L3MBTL3: variants seen among roughly 807,000 people sequenced by gnomAD.
L3MBTL3 encodes the protein L3MBTL histone methyl-lysine binding protein 3, also known as lethal(3)malignant brain tumor-like protein 3.
A neutral mutation model predicts 102.3 loss-of-function variants in L3MBTL3; 27 were observed. The ratio of observed to expected loss-of-function variants is 0.26; its 90% CI spans 0.19 to 0.36. The LOEUF is 0.36. Ranked by LOEUF, L3MBTL3 falls within the 10% of genes least tolerant of loss-of-function variation. The probability of loss-of-function intolerance (pLI) is 1.00; values close to 1 mark genes in which losing one functional copy is unlikely to be tolerated. For missense variants in L3MBTL3, 798 were observed against 955.3 expected, an observed-to-expected ratio of 0.84 and a Z score of 2.17; for synonymous variants, 340 against 320.9, an observed-to-expected ratio of 1.06 and a Z score of -0.64.
At chr6:130,090,987 C>T (rs1562302144) in intron 16 of L3MBTL3, among the ~76,000 whole-genome samples, 2 of 152,024 alleles carry the variant, frequency 1.3e-5, no homozygotes, top group African/African-American at 4.8e-5. Context: ...AGGGTTTCAT[C>T]TTTTTGTGCT....
At chr6:130,065,868 G>A (rs947582593) in intron 10 of L3MBTL3, among the ~76,000 whole-genome samples, 4 of 152,118 alleles carry the variant, frequency 2.6e-5, no homozygotes, top group Non-Finnish European at 2.9e-5. Context: ...TAGGAGAGAC[G>A]CTTTTCTTTC....
intron 3 of L3MBTL3, among the ~76,000 whole-genome samples, chr6:130,048,941 AACACAC>A (rs6149808): frequency 4.2e-4 from 33 of 78,524 alleles, no homozygotes; most frequent in South Asian, 3.7e-3. Flanking sequence ...TCTTAGTTAA[AACACAC>A]ACACACACAC....
chr6:130,098,332 G>C (rs1784478617), intron 18 of L3MBTL3, among the ~76,000 whole-genome samples: 1 of 152,164 alleles, frequency 6.6e-6, no homozygotes, highest in South Asian at 2.1e-4. Context: ...TCACCTGCTG[G>C]GTTAGGTGAG....
chr6:130,019,991 T>C (rs979981249), intron 1 of L3MBTL3, among the ~76,000 whole-genome samples: 1 of 102,780 alleles, frequency 9.7e-6, no homozygotes, highest in African/African-American at 3.7e-5. Flanking sequence ...GCGGCGGCGG[T>C]CGCGGCGGCG....
chr6:130,117,787 C>G (rs1417887619), intron 19 of L3MBTL3, among the ~76,000 whole-genome samples: 5 of 151,494 alleles, frequency 3.3e-5, no homozygotes, highest in African/African-American at 1.2e-4. Context: ...GCAGCTTTGT[C>G]CTCCAAGGCT....
chr6:130,091,290 G>A lies in L3MBTL3; in HGVS notation c.1519-1455G>A, dbSNP rs146779301. 1.9e-3 allele frequency among the ~76,000 whole-genome samples: 286 copies of A among 152,108 alleles called. 9 individuals are homozygous for A. In the East Asian group the frequency reaches 0.05, roughly 26 times the overall value. On this transcript the variant is annotated intron_variant, in intron 16 of 22. Coordinates refer to ENST00000361794, the MANE Select transcript of L3MBTL3 (RefSeq NM_032438.4). The stretch of plus-strand genomic sequence containing the variant: ...CTTTTTTATCCCTCTGGCATCTGTT[G>A]TCTTGTAAGGAATGAGAGGTTCATA...
At chr6:130,058,206 G>A (rs2114869897) in intron 9 of L3MBTL3, among the ~76,000 whole-genome samples, 1 of 145,370 alleles carries the variant, frequency 6.9e-6, no homozygotes, top group East Asian at 2.0e-4. Context: ...TATTATCACA[G>A]CAAAACATCT....
chr6:130,111,176 C>T (rs1785322933), intron 19 of L3MBTL3, among the ~76,000 whole-genome samples: 2 of 152,068 alleles, frequency 1.3e-5, no homozygotes, highest in African/African-American at 4.8e-5. Flanking sequence ...GGAAGTGATG[C>T]AGGGAAGGGC....
At chr6:130,072,222 T>A (rs1434472286) in intron 13 of L3MBTL3, among the ~76,000 whole-genome samples, 1 of 152,110 alleles carries the variant, frequency 6.6e-6, no homozygotes, top group Non-Finnish European at 1.5e-5. Context: ...TATAACTACG[T>A]AAATAATTGT....
intron 19 of L3MBTL3, among the ~76,000 whole-genome samples, chr6:130,110,320 C>G (rs58199505): frequency 0.017 from 2,521 of 152,274 alleles, 69 homozygotes; most frequent in African/African-American, 0.058. Flanking sequence ...ATTGTTTCTT[C>G]CTATCCATGA....
rs1782564885 is a variant in L3MBTL3, at chr6:130,070,631, T to C, written c.1093-345T>C. Among the ~76,000 whole-genome samples the C allele has an allele frequency of 3.9e-5, 6 of 152,270 alleles. No homozygotes were observed. The South Asian group carries it at 1.2e-3, about 32-fold the overall frequency. On this transcript the variant is annotated intron_variant, in intron 12 of 22. Coordinates refer to ENST00000361794, the MANE Select transcript of L3MBTL3 (RefSeq NM_032438.4). Reference sequence around the variant, plus strand: ...TAATCAAGAAAAGAAGGATAAAATGTGAACTATATGGTGAATAAAACTTGC... The same window carrying C: ...TAATCAAGAAAAGAAGGATAAAATGCGAACTATATGGTGAATAAAACTTGC...
intron 10 of L3MBTL3, among the ~76,000 whole-genome samples, chr6:130,060,796 T>C (rs1781842032): frequency 6.6e-6 from 1 of 152,076 alleles, no homozygotes; most frequent in Non-Finnish European, 1.5e-5. Context: ...CTGAGAGTAC[T>C]TTAAAAAATG....
intron 2 of L3MBTL3, among the ~76,000 whole-genome samples, chr6:130,033,203 G>A: frequency 6.6e-6 from 1 of 152,192 alleles, no homozygotes; most frequent in African/African-American, 2.4e-5. Flanking sequence ...CGGGAGCTGG[G>A]TGAGTCGGGT....
rs1461289324 is a variant in L3MBTL3 at position 130,092,805 on chromosome 6, A to G, written c.1579A>G (p.Ile527Val). ...CTGGATAGATGCAGATTCTCCTGAT[A>G]TTCACCCTGTAGGCTGGTGTTCAAA... The part of the protein sequence containing the change: ...DYWIDADSPD[I>V]HPVGWCSKTG... The change falls in exon 17 of 23, where the codon ATT becomes GTT. Residue 527 changes from isoleucine to valine, a missense_variant. Physicochemically the swap from Ile to Val is conservative, Grantham distance 29. This residue lies in a region of L3MBTL3 where 306 missense variants were observed against 314.4 expected (regional missense o/e 0.97). Transcript: ENST00000361794. The G allele has an allele frequency of 6.2e-7, 1 of 1,613,396 alleles. No individual in the cohort carries two copies. Among genetic ancestry groups the G allele is most frequent in the East Asian group, 2.2e-5 (1 of 44,846 alleles).
chr6:130,139,447 A>G (rs2068957), intron 22 of L3MBTL3, among the ~76,000 whole-genome samples, 163 bp from the exon 23 acceptor site: 129,453 of 152,182 alleles, frequency 0.85, 56,178 homozygotes, highest in Non-Finnish European at 0.95. Flanking sequence ...GTCATTGTGG[A>G]TAAGAAAGGT....
intron 16 of L3MBTL3, among the ~76,000 whole-genome samples, chr6:130,087,026 G>T (rs1163295115): frequency 1.3e-5 from 2 of 152,116 alleles, no homozygotes; most frequent in African/African-American, 4.8e-5. Context: ...TACTGATGAG[G>T]CAGAGAGGCT....
At chr6:130,067,715 A>G (rs990634615) in intron 11 of L3MBTL3, among the ~76,000 whole-genome samples, 1 of 152,212 alleles carries the variant, frequency 6.6e-6, no homozygotes, top group Non-Finnish European at 1.5e-5. Flanking sequence ...CTGGACTTTA[A>G]TGAATGTAAA....
chr6:130,083,444 A>G (rs1019538079), intron 14 of L3MBTL3, among the ~76,000 whole-genome samples, 176 bp from the exon 15 acceptor site: 17 of 151,964 alleles, frequency 1.1e-4, no homozygotes, highest in Non-Finnish European at 1.3e-4. Context: ...AAAAATAATG[A>G]TCAAGATGAA....
intron 2 of L3MBTL3, among the ~76,000 whole-genome samples, chr6:130,031,562 A>G (rs1201503844): frequency 1.3e-5 from 2 of 152,220 alleles, no homozygotes; most frequent in Non-Finnish European, 2.9e-5. Context: ...GACATGAATA[A>G]ATGGTCTCGT....
Sources: gnomAD v4.1 joint callset for allele counts (sites outside exome capture counted in the v4.1 genomes callset) on GRCh38, gnomAD v4.1.1 for gene constraint, gnomAD v4.1.1 regional missense constraint, MANE v1.5 for transcripts, NCBI Gene and HGNC (gene_info 2026-07-23, HGNC 2026-07-21) for gene names.